The following TTC7A variants were observed in gnomAD, a reference collection of about 807,000 sequenced individuals.
The protein encoded by TTC7A is tetratricopeptide repeat protein 7A.
Under a neutral mutation model 103.7 loss-of-function variants are expected in TTC7A, and 110 were observed. The ratio of observed to expected loss-of-function variants is 1.06; its 90% CI spans 0.91 to 1.24. The LOEUF (loss-of-function observed/expected upper bound fraction) is 1.24, where lower values mean the gene tolerates loss of function less well. Ranked by LOEUF, TTC7A falls within the 50% of genes most tolerant of loss-of-function variation. The pLI, the probability that TTC7A is intolerant of heterozygous loss-of-function variation, is 0.00. For missense variants in TTC7A, 1,340 were observed against 1,116.3 expected, an observed-to-expected ratio of 1.20 and a Z score of -2.86; for synonymous variants, 521 against 467.9, an observed-to-expected ratio of 1.11 and a Z score of -1.47.
At chr2:46,944,088 G>C (rs1043505298) in intron 1 of TTC7A, among the ~76,000 whole-genome samples, 4 of 152,100 alleles carry the variant, frequency 2.6e-5, no homozygotes, top group Non-Finnish European at 5.9e-5. Flanking sequence ...ACTCACATCC[G>C]GTCTAGATTA....
intron 19 of TTC7A, among the ~76,000 whole-genome samples, chr2:47,062,762 C>G (rs1020470416): frequency 6.6e-6 from 1 of 152,226 alleles, no homozygotes; most frequent in Admixed American, 6.5e-5. Context: ...GAAATTGAAG[C>G]AGTTTCCAAG....
chr2:46,966,042 C>T (rs560559958), intron 3 of TTC7A, among the ~76,000 whole-genome samples: 33 of 152,140 alleles, frequency 2.2e-4, no homozygotes, highest in Admixed American at 8.5e-4. Flanking sequence ...CTCCACCTCC[C>T]GGGTTCAAGC....
chr2:46,988,523 A>C (rs7607346), intron 5 of TTC7A, among the ~76,000 whole-genome samples: 3 of 152,136 alleles, frequency 2.0e-5, no homozygotes, highest in African/African-American at 4.8e-5. Flanking sequence ...ATGCACTAGT[A>C]TCTGTTTAGG....
At chr2:47,055,491 G>T (rs1246619449) in intron 18 of TTC7A, among the ~76,000 whole-genome samples, 1 of 152,160 alleles carries the variant, frequency 6.6e-6, no homozygotes, top group Non-Finnish European at 1.5e-5. Flanking sequence ...AGTGGGAGAG[G>T]CACAGAGTCC....
intron 5 of TTC7A, among the ~76,000 whole-genome samples, chr2:46,988,720 C>T (rs1675298796): frequency 6.6e-6 from 1 of 152,230 alleles, no homozygotes; most frequent in South Asian, 2.1e-4. Flanking sequence ...AAATTGAGTC[C>T]CAGGAGTTCT....
intron 11 of TTC7A, among the ~76,000 whole-genome samples, chr2:47,020,627 C>T (rs1248149227): frequency 6.6e-6 from 1 of 152,244 alleles, no homozygotes; most frequent in African/African-American, 2.4e-5. Flanking sequence ...GCATGGTGGG[C>T]AGACAGCCTC....
At position 46,941,474 on chromosome 2, in the gene TTC7A, C is replaced by T; in HGVS notation, c.-68C>T. 6.6e-7 allele frequency: 1 copy of T among 1,514,492 alleles called. No homozygotes were observed. Among genetic ancestry groups the T allele is most frequent in the Non-Finnish European group, 8.9e-7 (1 of 1,128,766 alleles). 93.8% of individuals were successfully genotyped at this position (1,514,492 alleles called of 1,614,324 possible). A position where few individuals can be genotyped will look rare whatever the true frequency, so the allele number is the denominator to read the frequency against. On this transcript the variant is annotated 5_prime_UTR_variant, in exon 1 of 20. Transcript: ENST00000319190. The surrounding 1 kb of genome is among the most constrained non-coding windows in gnomAD (Gnocchi z 4.2). ...GACCCCGCCCGCGAGTGCGCCCCAG[C>T]CAGGACGCCGCCCCCGGCCGGGTCT...
At chr2:46,965,040 G>A (rs1199706136) in intron 3 of TTC7A, among the ~76,000 whole-genome samples, 1 of 152,232 alleles carries the variant, frequency 6.6e-6, no homozygotes, top group Non-Finnish European at 1.5e-5. Flanking sequence ...ACTGTGCAGT[G>A]CAGTGACATG....
chr2:46,992,099 C>T (rs1675690785), intron 5 of TTC7A, among the ~76,000 whole-genome samples: 1 of 152,214 alleles, frequency 6.6e-6, no homozygotes, highest in African/African-American at 2.4e-5. Flanking sequence ...CCTCTGTGAT[C>T]TTAATTTTTC....
intron 8 of TTC7A, among the ~76,000 whole-genome samples, chr2:46,996,960 G>T (rs975900132): frequency 1.4e-5 from 2 of 144,948 alleles, no homozygotes; most frequent in African/African-American, 5.1e-5. Context: ...AGTTTTTTTT[G>T]TGGTGGTTGT....
At chr2:47,065,625 T>G (rs1684123212) in intron 19 of TTC7A, 1 of 152,222 alleles carries the variant, frequency 6.6e-6, no homozygotes, top group Non-Finnish European at 1.5e-5. Flanking sequence ...AGAGAGCTTT[T>G]CTTTTCTCTG....
At chr2:46,946,928 TGGTAA>T (rs1670992715) in intron 1 of TTC7A, among the ~76,000 whole-genome samples, 1 of 152,032 alleles carries the variant, frequency 6.6e-6, no homozygotes, top group Non-Finnish European at 1.5e-5. Flanking sequence ...TTGTTTACCA[TGGTAA>T]ACAAACAACA....
At position 47,015,579 on chromosome 2, in the gene TTC7A, T is replaced by C. The variant is rs568023111; in HGVS notation, c.1392+4144T>C. Among the ~76,000 whole-genome samples, 7 of 152,314 alleles carry C rather than the reference T, an allele frequency of 4.6e-5. No individual in the cohort carries two copies. The South Asian group carries it at 1.4e-3, about 32-fold the overall frequency. On this transcript the variant is annotated intron_variant, in intron 11 of 19. Coordinates refer to ENST00000319190, the MANE Select transcript of TTC7A (RefSeq NM_020458.4). ...CCCTGTCTGTGCCTCGGTTTCCTCATCTGTAGCCTGGAAACAATCATGTCC... is the reference window on the plus strand; with the variant it reads ...CCCTGTCTGTGCCTCGGTTTCCTCACCTGTAGCCTGGAAACAATCATGTCC...
chr2:46,928,326 AAAG>A (rs1669507128), intron 2 of TTC7A, among the ~76,000 whole-genome samples: 1 of 152,096 alleles, frequency 6.6e-6, no homozygotes, highest in Admixed American at 6.6e-5. Context: ...AAAAAAAGAA[AAAG>A]AACTCCAGGC....
rs577003375 is a variant in TTC7A, at chr2:47,048,200, C to G, written c.1920-1749C>G. 2.6e-5 allele frequency among the ~76,000 whole-genome samples: 4 copies of G among 152,186 alleles called. No individual in the cohort carries two copies. The East Asian group carries it at 5.8e-4, about 22-fold the overall frequency. On this transcript the variant is annotated intron_variant, in intron 16 of 19. Transcript: ENST00000319190. ...CCTCTAAAATGCTTCATTCAACCCT[C>G]TCATGTGGGTTTTTGCTAACTGCTC... is the stretch of plus-strand genomic sequence containing the variant.
At chr2:46,950,304 T>G in intron 1 of TTC7A, 59 bp from the exon 2 acceptor site, 1 of 1,589,896 alleles carries the variant, frequency 6.3e-7, no homozygotes, top group Non-Finnish European at 8.6e-7. Context: ...AGTGTGCAAC[T>G]CCCTCCATTA....
intron 19 of TTC7A, among the ~76,000 whole-genome samples, chr2:47,066,717 A>ATATT (rs1315153760): frequency 6.6e-6 from 1 of 152,182 alleles, no homozygotes; most frequent in African/African-American, 2.4e-5. Context: ...ATTTATTATT[A>ATATT]TATTTTGTTT....
At chr2:46,948,239 A>C (rs1409605180) in intron 1 of TTC7A, among the ~76,000 whole-genome samples, 1 of 152,180 alleles carries the variant, frequency 6.6e-6, no homozygotes, top group Non-Finnish European at 1.5e-5. Context: ...TCTGACTTCA[A>C]ACCCCACCCC....
chr2:47,061,366 T>C (rs1683768223), intron 19 of TTC7A, among the ~76,000 whole-genome samples: 1 of 152,188 alleles, frequency 6.6e-6, no homozygotes, highest in Non-Finnish European at 1.5e-5. Context: ...TGCTTTTCTT[T>C]CTGGGAGTCC....
Sources: allele counts gnomAD v4.1 joint callset (sites outside exome capture counted in the v4.1 genomes callset), GRCh38; gene constraint gnomAD v4.1.1; non-coding constraint Gnocchi (gnomAD v3.1); transcripts MANE v1.5; gene names NCBI Gene and HGNC (gene_info 2026-07-23, HGNC 2026-07-21).